Variants in RANBP2 observed in about 807,000 individuals in gnomAD.
The protein encoded by RANBP2 is E3 SUMO-protein ligase RanBP2.
In RANBP2, 57 loss-of-function variants were observed where a neutral mutation model predicts 303.6. The ratio of observed to expected loss-of-function variants is 0.19; its 90% CI spans 0.15 to 0.23. The LOEUF is 0.23. Ranked by LOEUF, RANBP2 falls within the 10% of genes least tolerant of loss-of-function variation. RANBP2 has a pLI of 1.00. For missense variants in RANBP2, 3,138 were observed against 3,780.8 expected (o/e 0.83, Z 4.46); for synonymous variants, 1,167 against 1,301.5 (o/e 0.90, Z 2.23).
chr2:109,218,661 C>T, the RANBP2 span, among the ~76,000 whole-genome samples: 1 of 152,148 alleles, frequency 6.6e-6, no homozygotes, highest in Non-Finnish European at 1.5e-5. Flanking sequence ...CAGGCCCTGC[C>T]GGCCAGCAGG....
the RANBP2 span, among the ~76,000 whole-genome samples, chr2:109,566,613 A>C: frequency 6.6e-6 from 1 of 152,180 alleles, no homozygotes; most frequent in Non-Finnish European, 1.5e-5. Context: ...AGTAGTACAC[A>C]AAGTCCCAAA....
chr2:108,867,346 T>C, the RANBP2 span, among the ~76,000 whole-genome samples: 2 of 152,164 alleles, frequency 1.3e-5, no homozygotes, highest in African/African-American at 4.8e-5. Context: ...TCTTTAGGAA[T>C]TGAAAAAGCA....
At chr2:109,380,243 C>T in the RANBP2 span, among the ~76,000 whole-genome samples, 2 of 152,126 alleles carry the variant, frequency 1.3e-5, no homozygotes, top group Non-Finnish European at 2.9e-5. Flanking sequence ...TTGAGGTCTT[C>T]GTGAAATTAA....
chr2:109,429,268 C>T, the RANBP2 span, among the ~76,000 whole-genome samples: 9 of 152,282 alleles, frequency 5.9e-5, no homozygotes, highest in Non-Finnish European at 7.4e-5. Flanking sequence ...AGAAAACAGA[C>T]CCAGCACATC....
At position 108,767,040 on chromosome 2, in the gene RANBP2, A is replaced by G. The variant is rs1677164583; in HGVS notation, c.6501A>G (p.Ile2167Met). 1.9e-6 allele frequency: 3 copies of G among 1,610,974 alleles called. No homozygotes were observed. Among genetic ancestry groups the G allele is most frequent in the Non-Finnish European group, 2.5e-6 (3 of 1,179,512 alleles). The change falls in exon 20 of 29, where the codon ATA becomes ATG. Residue 2167 changes from isoleucine to methionine, a missense_variant. This residue lies in a region of RANBP2 where 103 missense variants were observed against 214.3 expected (regional missense o/e 0.48). Transcript: ENST00000283195. ...ATACTGGCAGAGCTGCCAAGTTAAT[A>G]CAGAGAGCTGAAGAAATGAAGAGTG... ...LVDTGRAAKLIQRAEEMKSGL... is the reference protein window; with the variant it reads ...LVDTGRAAKLMQRAEEMKSGL...
the RANBP2 span, among the ~76,000 whole-genome samples, chr2:109,272,468 T>C: frequency 2.6e-5 from 4 of 152,214 alleles, no homozygotes; most frequent in African/African-American, 9.6e-5. Flanking sequence ...TTTCCTGGTG[T>C]GTGGGACGCA....
At chr2:108,905,634 C>A in the RANBP2 span, among the ~76,000 whole-genome samples, 2 of 152,040 alleles carry the variant, frequency 1.3e-5, no homozygotes, top group African/African-American at 4.8e-5. Flanking sequence ...CGGAGGGAGG[C>A]CAGCGAGTCC....
At chr2:109,163,011 G>C in the RANBP2 span, among the ~76,000 whole-genome samples, 1 of 152,168 alleles carries the variant, frequency 6.6e-6, no homozygotes, top group Non-Finnish European at 1.5e-5. Context: ...TGATTTGGAG[G>C]GAAAAGTCCC....
At chr2:109,159,115 TCAAAA>T in the RANBP2 span, among the ~76,000 whole-genome samples, 3 of 144,784 alleles carry the variant, frequency 2.1e-5, no homozygotes, top group Non-Finnish European at 4.6e-5. Context: ...AGATTCGGTC[TCAAAA>T]CAAAGAAACA....
At chr2:109,300,182 C>T in the RANBP2 span, among the ~76,000 whole-genome samples, 12 of 152,126 alleles carry the variant, frequency 7.9e-5, no homozygotes, top group East Asian at 9.7e-4. Context: ...GATATGCTCT[C>T]GAGAGGGCAT....
the RANBP2 span, among the ~76,000 whole-genome samples, chr2:109,088,450 G>T: frequency 4.0e-5 from 6 of 150,680 alleles, no homozygotes; most frequent in South Asian, 2.1e-4. Context: ...TGGTATAGAG[G>T]TAGTTAAATT....
chr2:109,737,921 G>A, the RANBP2 span, among the ~76,000 whole-genome samples: 3 of 152,304 alleles, frequency 2.0e-5, no homozygotes, highest in Non-Finnish European at 4.4e-5. Context: ...AAAACATTGG[G>A]TTATTTGTTG....
At chr2:109,408,826 G>A in the RANBP2 span, among the ~76,000 whole-genome samples, 5 of 152,252 alleles carry the variant, frequency 3.3e-5, no homozygotes, top group African/African-American at 7.2e-5. Flanking sequence ...AAAGCTGGAT[G>A]GAGAAGCCTC....
the RANBP2 span, among the ~76,000 whole-genome samples, chr2:108,944,914 C>T: frequency 6.6e-6 from 1 of 152,188 alleles, no homozygotes; most frequent in Non-Finnish European, 1.5e-5. Flanking sequence ...GCTTTGAGCC[C>T]TTTGACATGA....
chr2:109,456,273 C>T, the RANBP2 span, among the ~76,000 whole-genome samples: 18 of 152,306 alleles, frequency 1.2e-4, no homozygotes, highest in Admixed American at 5.2e-4. Flanking sequence ...CTGGGAGCAC[C>T]GGCGACTCCA....
At chr2:109,668,564 C>T in the RANBP2 span, among the ~76,000 whole-genome samples, 1 of 152,158 alleles carries the variant, frequency 6.6e-6, no homozygotes, top group African/African-American at 2.4e-5. Context: ...GGACTCTAGG[C>T]TGTGCCTTCA....
chr2:108,882,402 C>T, the RANBP2 span: 9 of 152,264 alleles, frequency 5.9e-5, no homozygotes, highest in South Asian at 2.1e-4. Flanking sequence ...TGTATGGAAA[C>T]GCAGAGCTCA....
the RANBP2 span, among the ~76,000 whole-genome samples, chr2:109,434,891 G>A: frequency 6.6e-6 from 1 of 152,208 alleles, no homozygotes; most frequent in Non-Finnish European, 1.5e-5. Context: ...TGATCAAAAT[G>A]TCTCCTCAAG....
At chr2:109,558,547 G>A in the RANBP2 span, among the ~76,000 whole-genome samples, 1 of 152,238 alleles carries the variant, frequency 6.6e-6, no homozygotes, top group Non-Finnish European at 1.5e-5. Context: ...GTTTCCAATG[G>A]TTGAAATAAT....
Sources: allele counts gnomAD v4.1 joint callset (sites outside exome capture counted in the v4.1 genomes callset), GRCh38; gene constraint gnomAD v4.1.1; regional missense constraint gnomAD v4.1.1; transcripts MANE v1.5; gene names NCBI Gene and HGNC (gene_info 2026-07-23, HGNC 2026-07-21).